NAXD: variants seen among roughly 807,000 people sequenced by gnomAD.
NAXD encodes the protein NAD(P)HX dehydratase, also known as ATP-dependent (S)-NAD(P)H-hydrate dehydratase.
A neutral mutation model predicts 35.8 loss-of-function variants in NAXD; 22 were observed. That is an observed-to-expected ratio of 0.62 (90% CI 0.44 to 0.88). The LOEUF is 0.88. Ranked by LOEUF, NAXD falls within the 40% of genes least tolerant of loss-of-function variation. NAXD has a pLI of 0.00. For synonymous variants in NAXD, 189 were observed against 177.6 expected, an observed-to-expected ratio of 1.06 and a Z score of -0.51; for missense variants, 428 against 437.7, an observed-to-expected ratio of 0.98 and a Z score of 0.20.
intron 4 of NAXD, 32 bp from the exon 5 acceptor site, chr13:110,627,407 G>A (rs1220601837): frequency 4.2e-6 from 6 of 1,438,958 alleles, no homozygotes; most frequent in Non-Finnish European, 5.9e-6. Flanking sequence ...GGAATTGTGG[G>A]TAACCATCCT....
At chr13:110,634,407 C>G in intron 5 of NAXD, 138 bp from the exon 6 acceptor site, 1 of 830,248 alleles carries the variant, frequency 1.2e-6, no homozygotes, top group Non-Finnish European at 2.0e-6. Context: ...CATGAGGACA[C>G]TGCCACATCA....
At chr13:110,637,362 G>A in intron 9 of NAXD, 113 bp downstream of exon 9, 1 of 1,274,004 alleles carries the variant, frequency 7.8e-7, no homozygotes, top group Non-Finnish European at 1.1e-6. Context: ...TGAACTCTAG[G>A]CTTCACTGGA....
chr13:110,616,718 A>G (rs750705251), intron 1 of NAXD, among the ~76,000 whole-genome samples: 4 of 152,156 alleles, frequency 2.6e-5, no homozygotes, highest in Non-Finnish European at 5.9e-5. Flanking sequence ...CATTTCTCAT[A>G]AGGAGAGATT....
chr13:110,615,998 C>T, intron 1 of NAXD: 1 of 392,590 alleles, frequency 2.5e-6, no homozygotes, highest in Non-Finnish European at 4.4e-6. Context: ...AGCCAGTGCG[C>T]GTCCCAGGAG....
chr13:110,635,454 C>T lies in NAXD; in HGVS notation c.598-14C>T. On this transcript the variant is annotated splice_polypyrimidine_tract_variant and intron_variant, in intron 7 of 9. Transcript: ENST00000680254. ...AAGACTTTGCTTTTTCTCTGTCTTC[C>T]TGTGTTGTCATAGCTCAGAGGCCCT... The T allele has an allele frequency of 6.2e-7, 1 of 1,611,504 alleles. No individual in the cohort carries two copies. The highest frequency in any genetic ancestry group is 8.5e-7 in the Non-Finnish European group (1 of 1,178,020).
intron 5 of NAXD, among the ~76,000 whole-genome samples, chr13:110,629,846 T>A (rs536044678): frequency 1.3e-5 from 2 of 152,320 alleles, no homozygotes; most frequent in East Asian, 3.9e-4. Flanking sequence ...CCTCTAGCAG[T>A]GTGCGAGGGC....
At position 110,639,769 on chromosome 13, in the gene NAXD, TGA is replaced by T. The variant is rs1278688825; in HGVS notation, c.*1242_*1243del. ...TTTTGGCCTGATGATGACTCTTGAG[TGA>T]TACCCTGTGATGCAGACATGCCCCA... On this transcript the variant is annotated 3_prime_UTR_variant, in exon 10 of 10. Coordinates refer to ENST00000680254, the MANE Select transcript of NAXD (RefSeq NM_001242882.2). The T allele has an allele frequency of 1.3e-5, 2 of 152,146 alleles. No homozygotes were observed. 9.4% of individuals were successfully genotyped at this position (152,146 alleles called of 1,614,324 possible). A position where few individuals can be genotyped will look rare whatever the true frequency, so the allele number is the denominator to read the frequency against.
intron 1 of NAXD, chr13:110,615,907 C>T: frequency 1.4e-6 from 1 of 696,852 alleles, no homozygotes; most frequent in Non-Finnish European, 2.0e-6. Flanking sequence ...CCTGGAACGG[C>T]GCGGCGACGG....
chr13:110,639,972 A>G lies in NAXD; in HGVS notation c.*1444A>G, dbSNP rs1478783377. 1 of 152,260 alleles carries G rather than the reference A, an allele frequency of 6.6e-6. No homozygotes were observed. Among genetic ancestry groups the G allele is most frequent in the African/African-American group, 2.4e-5 (1 of 41,472 alleles). The allele number at this position is 152,260 out of a possible 1,614,324, so 9.4% of individuals were successfully genotyped here. On this transcript the variant is annotated 3_prime_UTR_variant, in exon 10 of 10. Coordinates refer to ENST00000680254, the MANE Select transcript of NAXD (RefSeq NM_001242882.2). Reference sequence around the variant, plus strand: ...TAACATCTAAATTCTGGTAACTATTAAAAGACAGATCTGGTTAATTTAAAT... The same window carrying G: ...TAACATCTAAATTCTGGTAACTATTGAAAGACAGATCTGGTTAATTTAAAT...
At chr13:110,619,136 T>C (rs1488839649) in intron 1 of NAXD, among the ~76,000 whole-genome samples, 3 of 152,246 alleles carry the variant, frequency 2.0e-5, no homozygotes, top group Non-Finnish European at 2.9e-5. Context: ...TTTCCGGTAA[T>C]GTATAGGTTA....
intron 2 of NAXD, among the ~76,000 whole-genome samples, chr13:110,623,986 G>T (rs1464454755): frequency 1.4e-5 from 2 of 144,082 alleles, no homozygotes; most frequent in Non-Finnish European, 3.0e-5. Context: ...TGGGCAACAA[G>T]AGTGAAACTC....
Position 110,637,368 on chromosome 13 carries a change from C to G in NAXD, c.839+119C>G, listed in dbSNP as rs1886968222. 3.7e-5 allele frequency: 45 copies of G among 1,212,640 alleles called. No individual in the cohort carries two copies. The South Asian group carries it at 5.0e-4, about 14-fold the overall frequency. 75.1% of individuals were successfully genotyped at this position (1,212,640 alleles called of 1,614,324 possible). The stretch of plus-strand genomic sequence containing the variant: ...CACTGACAATGAACTCTAGGCTTCA[C>G]TGGAGAGATCTCGGCACAGACGAAC... On this transcript the variant is annotated intron_variant, in intron 9 of 9. Transcript: ENST00000680254.
rs994086800 is a variant in NAXD, at chr13:110,632,199, G to A, written c.442-2346G>A. 6.7e-5 allele frequency among the ~76,000 whole-genome samples: 10 copies of A among 148,884 alleles called. 1 individual carries two copies. The highest frequency in any genetic ancestry group is 1.0e-4 in the Non-Finnish European group (7 of 67,294). On this transcript the variant is annotated intron_variant, in intron 5 of 9. Coordinates refer to ENST00000680254, the MANE Select transcript of NAXD (RefSeq NM_001242882.2). ...CAGGAGTGAGGCTACAGACCTTCGC[G>A]GTGAGTGTTACAGCTCTTAAGGCAG... is the stretch of plus-strand genomic sequence containing the variant.
Position 110,635,456 on chromosome 13 carries a change from G to A in NAXD, c.598-12G>A. On this transcript the variant is annotated splice_polypyrimidine_tract_variant and intron_variant, in intron 7 of 9. Coordinates refer to ENST00000680254, the MANE Select transcript of NAXD (RefSeq NM_001242882.2). Reference sequence around the variant, plus strand: ...GACTTTGCTTTTTCTCTGTCTTCCTGTGTTGTCATAGCTCAGAGGCCCTAT... The same window carrying A: ...GACTTTGCTTTTTCTCTGTCTTCCTATGTTGTCATAGCTCAGAGGCCCTAT... 1.2e-6 allele frequency: 2 copies of A among 1,612,174 alleles called. No individual in the cohort carries two copies. The highest frequency in any genetic ancestry group is 2.2e-5 in the East Asian group (1 of 44,804).
At chr13:110,617,259 A>G (rs1886093639) in intron 1 of NAXD, among the ~76,000 whole-genome samples, 1 of 152,222 alleles carries the variant, frequency 6.6e-6, no homozygotes, top group South Asian at 2.1e-4. Flanking sequence ...CAGTACTAAA[A>G]GCACTTTTAG....
Position 110,634,771 on chromosome 13 carries a change from G to A in NAXD, c.592G>A (p.Ala198Thr), listed in dbSNP as rs1276552089. Reference sequence around the variant, plus strand: ...CGTGGAGTTCAGCAGACTGTATGACGCTGTGGTGAGTCAGTGGACCCCCTG... The same window carrying A: ...CGTGGAGTTCAGCAGACTGTATGACACTGTGGTGAGTCAGTGGACCCCCTG... ...NHVEFSRLYD[A>T]VLRGPMDSDD... Residue 198 changes from alanine to threonine, a missense_variant, in exon 7 of 10, where the codon GCT (alanine) becomes ACT (threonine). Ala to Thr is a moderately conservative substitution (Grantham distance 58, BLOSUM62 0). This residue lies in a region of NAXD where 209 missense variants were observed against 214.6 expected (regional missense o/e 0.97). Transcript: ENST00000680254. The A allele has an allele frequency of 3.7e-6, 6 of 1,612,340 alleles. No individual in the cohort carries two copies. In the East Asian group the frequency reaches 6.7e-5, roughly 18 times the overall value.
Position 110,638,928 on chromosome 13 carries a change from T to G in NAXD, c.*400T>G. 2.8e-6 allele frequency: 1 copy of G among 361,606 alleles called. No homozygotes were observed. 22.4% of individuals were successfully genotyped at this position (361,606 alleles called of 1,614,324 possible). A position where few individuals can be genotyped will look rare whatever the true frequency, so the allele number is the denominator to read the frequency against. On this transcript the variant is annotated 3_prime_UTR_variant, in exon 10 of 10. Transcript: ENST00000680254. This position sits in a 1 kb window ranked among gnomAD's most constrained non-coding sequence, Gnocchi z 5.4. ...CCCTTCGTTCCTCCTCTGCTTCCCTTCCCTAGTCTTTCCTCCGGCAGGGAG... is the reference window on the plus strand; with the variant it reads ...CCCTTCGTTCCTCCTCTGCTTCCCTGCCCTAGTCTTTCCTCCGGCAGGGAG...
chr13:110,634,435 C>T (rs1886838034), intron 5 of NAXD, 110 bp from the exon 6 acceptor site: 4 of 1,141,484 alleles, frequency 3.5e-6, no homozygotes, highest in African/African-American at 3.0e-5. Flanking sequence ...AAGGCCCCAC[C>T]TCCCAGGACC....
chr13:110,630,716 C>T (rs1206448210), intron 5 of NAXD, among the ~76,000 whole-genome samples: 2 of 152,112 alleles, frequency 1.3e-5, no homozygotes, highest in African/African-American at 2.4e-5. Context: ...GAGGCTCCAG[C>T]GTCAGTCTTT....
Sources: allele counts gnomAD v4.1 joint callset (sites outside exome capture counted in the v4.1 genomes callset), GRCh38; gene constraint gnomAD v4.1.1; regional missense constraint gnomAD v4.1.1; non-coding constraint Gnocchi (gnomAD v3.1); transcripts MANE v1.5; gene names NCBI Gene and HGNC (gene_info 2026-07-23, HGNC 2026-07-21).